Variants in NDRG2 observed in about 807,000 individuals in gnomAD.
NDRG2 encodes the protein NDRG family member 2, also known as protein NDRG2.
NDRG2 carries 34 observed loss-of-function variants against 58.2 expected under a neutral mutation model. The observed-to-expected ratio is 0.58, with a 90% CI of 0.44 to 0.78. NDRG2 has a LOEUF of 0.78. Among genes scored for constraint, NDRG2 ranks in the 30% least tolerant of loss-of-function variants. The probability of loss-of-function intolerance (pLI) is 0.00; values close to 1 mark genes in which losing one functional copy is unlikely to be tolerated. For synonymous variants in NDRG2, 187 were observed against 175.9 expected (o/e 1.06, Z -0.50); for missense variants, 434 against 471.2 (o/e 0.92, Z 0.73).
chr14:21,043,226 T>C (rs749304161), intron 1 of NDRG2: 2 of 1,614,192 alleles, frequency 1.2e-6, no homozygotes, highest in Non-Finnish European at 1.7e-6. Context: ...CTTTCTCCAG[T>C]GTGGCCGCCA....
intron 3 of NDRG2, 41 bp downstream of exon 3, chr14:21,022,823 C>T: frequency 6.3e-7 from 1 of 1,599,574 alleles, no homozygotes; most frequent in Non-Finnish European, 8.5e-7. Flanking sequence ...GGGAAGAGGA[C>T]AGCCCCTCCT....
At chr14:21,033,153 A>G (rs1377253189) in intron 1 of NDRG2, 1 of 375,502 alleles carries the variant, frequency 2.7e-6, no homozygotes, top group Non-Finnish European at 5.2e-6. Context: ...GGAAAAAGGA[A>G]GGCAGGGTGA....
chr14:21,021,872 A>G lies in NDRG2; in HGVS notation c.352T>C (p.Tyr118His). ...TCTGCAAGCTGGTCCAGAGATGGGT[A>G]CTGATATCTGGAAAAGAGAGGCATG... ...GAPVFPLGYQYPSLDQLADMI... is the reference protein window; with the variant it reads ...GAPVFPLGYQHPSLDQLADMI... The change falls in exon 6 of 16, where the codon TAC becomes CAC. Residue 118 changes from tyrosine to histidine, a missense_variant. Physicochemically the swap from Tyr to His is moderately conservative, Grantham distance 83. Coordinates refer to ENST00000556147, the MANE Select transcript of NDRG2 (RefSeq NM_001320329.2). 1 of 1,613,324 alleles carries G rather than the reference A, an allele frequency of 6.2e-7. No individual in the cohort carries two copies. Among genetic ancestry groups the G allele is most frequent in the East Asian group, 2.2e-5 (1 of 44,880 alleles).
At chr14:21,038,739 G>C (rs74713430) in intron 1 of NDRG2, among the ~76,000 whole-genome samples, 1 of 152,182 alleles carries the variant, frequency 6.6e-6, no homozygotes, top group African/African-American at 2.4e-5. Context: ...TAAATGGGGA[G>C]CTGGGAGGGC....
upstream of NDRG2, chr14:21,025,227 T>C: frequency 1.2e-6 from 1 of 855,218 alleles, no homozygotes; most frequent in Non-Finnish European, 1.4e-6. This position sits in a 1 kb window ranked among gnomAD's most constrained non-coding sequence, Gnocchi z 5.1. Flanking sequence ...AGGGTTGTGC[T>C]GGGGCCGGGG....
At position 21,070,454 on chromosome 14, in the gene NDRG2, C is replaced by G; in HGVS notation, c.24+374G>C. 7.4e-7 allele frequency: 1 copy of G among 1,357,852 alleles called. No homozygotes were observed. The highest frequency in any genetic ancestry group is 9.4e-7 in the Non-Finnish European group (1 of 1,061,548). 84.1% of individuals were successfully genotyped at this position (1,357,852 alleles called of 1,614,324 possible). A position where few individuals can be genotyped will look rare whatever the true frequency, so the allele number is the denominator to read the frequency against. The stretch of plus-strand genomic sequence containing the variant: ...CCCTCGGCCTTCGCGCAGCCCGCTC[C>G]GGGCCCCCAAGTCCTCAGCCTGGTG... On this transcript the variant is annotated intron_variant, in intron 1 of 14. Transcript: ENST00000403829. The surrounding 1 kb of genome is among the most constrained non-coding windows in gnomAD (Gnocchi z 4.7).
Position 21,070,441 on chromosome 14 carries a change from G to C in NDRG2, c.24+387C>G. On this transcript the variant is annotated intron_variant, in intron 1 of 14. Coordinates refer to the NDRG2 transcript ENST00000403829. This position sits in a 1 kb window ranked among gnomAD's most constrained non-coding sequence, Gnocchi z 4.7. ...AGCCCCCTGGGTCCCCTCGGCCTTC[G>C]CGCAGCCCGCTCCGGGCCCCCAAGT... is the stretch of plus-strand genomic sequence containing the variant. 1.5e-6 allele frequency: 2 copies of C among 1,370,608 alleles called. No homozygotes were observed. The highest frequency in any genetic ancestry group is 1.5e-5 in the African/African-American group (1 of 65,780). 84.9% of individuals were successfully genotyped at this position (1,370,608 alleles called of 1,614,324 possible).
rs76483082 is a variant in NDRG2, at chr14:21,046,559, A to C, written c.25-23238T>G. Among the ~76,000 whole-genome samples, 340 of 40,120 alleles carry C rather than the reference A, an allele frequency of 8.5e-3. 1 individual carries two copies. The highest frequency in any genetic ancestry group is 0.014 in the African/African-American group (297 of 21,732). The allele number at this position is 40,120 out of a possible 152,430, so 26.3% of individuals were successfully genotyped here. ...TCAAAACAAATACATACATACATAC[A>C]TACATACATACATACATACATACAT... On this transcript the variant is annotated intron_variant, in intron 1 of 14. Coordinates refer to the NDRG2 transcript ENST00000403829.
At chr14:21,067,823 A>G (rs1216546456) in intron 1 of NDRG2, among the ~76,000 whole-genome samples, 1 of 151,992 alleles carries the variant, frequency 6.6e-6, no homozygotes, top group Admixed American at 6.6e-5. Context: ...AGAAAGTGGT[A>G]TTTAACTGCT....
At chr14:21,056,982 A>G (rs1006014096) in intron 1 of NDRG2, among the ~76,000 whole-genome samples, 10 of 152,114 alleles carry the variant, frequency 6.6e-5, no homozygotes, top group Non-Finnish European at 1.3e-4. Flanking sequence ...CGATCCCTTC[A>G]CTAGGAGTGA....
intron 1 of NDRG2, among the ~76,000 whole-genome samples, chr14:21,052,205 G>A (rs1487592609): frequency 1.3e-5 from 2 of 152,240 alleles, no homozygotes; most frequent in Non-Finnish European, 2.9e-5. Context: ...GAGTGCTCCT[G>A]TGAGCTAGCC....
intron 1 of NDRG2, among the ~76,000 whole-genome samples, chr14:21,040,000 T>C (rs1186739346): frequency 6.6e-6 from 1 of 152,194 alleles, no homozygotes; most frequent in Admixed American, 6.5e-5. Context: ...CAGCCTTCCA[T>C]CCAGCCTCCA....
At chr14:21,033,889 G>C in intron 1 of NDRG2, 1 of 1,614,158 alleles carries the variant, frequency 6.2e-7, no homozygotes, top group Non-Finnish European at 8.5e-7. Flanking sequence ...AGTAGGTAGA[G>C]CTTCTGGTTG....
intron 1 of NDRG2, among the ~76,000 whole-genome samples, chr14:21,047,531 A>C (rs1034987962): frequency 1.3e-5 from 2 of 152,232 alleles, no homozygotes; most frequent in South Asian, 4.1e-4. Flanking sequence ...CAAGAAGATA[A>C]TAATTTGGGC....
chr14:21,069,380 G>C (rs1886490950), intron 1 of NDRG2, among the ~76,000 whole-genome samples: 1 of 152,192 alleles, frequency 6.6e-6, no homozygotes, highest in Non-Finnish European at 1.5e-5. Flanking sequence ...GGACTCTATA[G>C]CCACCCCAAC....
upstream of NDRG2, among the ~76,000 whole-genome samples, chr14:21,026,423 TGA>T (rs548167271): frequency 2.7e-3 from 404 of 151,322 alleles, 3 homozygotes; most frequent in Admixed American, 0.01. Flanking sequence ...CAATGGAACT[TGA>T]GCTGCCAACT....
In NDRG2 at chr14:21,024,845, G is replaced by T; in HGVS notation, c.-822C>A. 1 of 985,724 alleles carries T rather than the reference G, an allele frequency of 1.0e-6. No homozygotes were observed. The highest frequency in any genetic ancestry group is 1.2e-6 in the Non-Finnish European group (1 of 830,180). The allele number at this position is 985,724 out of a possible 1,614,324, so 61.1% of individuals were successfully genotyped here. A position where few individuals can be genotyped will look rare whatever the true frequency, so the allele number is the denominator to read the frequency against. Reference sequence around the variant, plus strand: ...CCGGACCTTGCACACAACCTCGCGCGCACCCCAAACACGCCCTGCAGCTCT... The same window carrying T: ...CCGGACCTTGCACACAACCTCGCGCTCACCCCAAACACGCCCTGCAGCTCT... On this transcript the variant is annotated 5_prime_UTR_variant, in exon 1 of 16. Coordinates refer to ENST00000556147, the MANE Select transcript of NDRG2 (RefSeq NM_001320329.2).
chr14:21,069,760 G>C (rs745873447), intron 1 of NDRG2, among the ~76,000 whole-genome samples: 8 of 152,202 alleles, frequency 5.3e-5, no homozygotes, highest in Non-Finnish European at 8.8e-5. Flanking sequence ...CCGGCCCTCC[G>C]CTCTCTGCTA....
chr14:21,059,638 G>C (rs192279704), intron 1 of NDRG2, among the ~76,000 whole-genome samples: 27 of 152,174 alleles, frequency 1.8e-4, no homozygotes, highest in Admixed American at 1.8e-3. Flanking sequence ...GGGACTACAC[G>C]TGCAAGCATG....
Sources: allele counts gnomAD v4.1 joint callset (sites outside exome capture counted in the v4.1 genomes callset), GRCh38; gene constraint gnomAD v4.1.1; non-coding constraint Gnocchi (gnomAD v3.1); transcripts MANE v1.5; gene names NCBI Gene and HGNC (gene_info 2026-07-23, HGNC 2026-07-21).